The following ZNF425 variants were observed in gnomAD, a reference collection of about 807,000 sequenced individuals.
ZNF425 encodes zinc finger protein 425.
ZNF425 carries 21 observed loss-of-function variants against 17.0 expected under a neutral mutation model. The observed-to-expected ratio is 1.23, with a 90% CI of 0.88 to 1.78. ZNF425 has a LOEUF of 1.78. Among genes scored for constraint, ZNF425 ranks in the 40% most tolerant of loss-of-function variants. ZNF425 has a pLI of 0.00. For synonymous variants in ZNF425, 433 were observed against 384.1 expected (o/e 1.13, Z -1.49); for missense variants, 868 against 967.3 (o/e 0.90, Z 1.36).
At chr7:149,118,441 A>T in intron 1 of ZNF425, 93 bp from the exon 2 acceptor site, 2 of 1,433,514 alleles carry the variant, frequency 1.4e-6, no homozygotes, top group Non-Finnish European at 1.9e-6. Flanking sequence ...GAAAGAAAAC[A>T]TGTTAATTAT....
At position 149,112,654 on chromosome 7, in the gene ZNF425, T is replaced by A. The variant is rs866873404; in HGVS notation, c.146-359A>T. Among the ~76,000 whole-genome samples, 44 of 152,220 alleles carry A rather than the reference T, an allele frequency of 2.9e-4. 1 individual carries two copies. The Middle Eastern group carries it at 0.01, about 35-fold the overall frequency. On this transcript the variant is annotated intron_variant, in intron 2 of 3. Transcript: ENST00000378061. ...TTTCAAAAAAAATTATTTTTAAAAA[T>A]TATTATCATTATTATTTTATTTTAT...
intron 1 of ZNF425, 125 bp downstream of exon 1, chr7:149,126,071 G>A (rs1826461974): frequency 2.6e-6 from 4 of 1,538,046 alleles, no homozygotes; most frequent in Non-Finnish European, 3.5e-6. Flanking sequence ...AGCTCAGTCC[G>A]TGGGCCACTG....
chr7:149,112,185 T>C lies in ZNF425; in HGVS notation c.256A>G (p.Thr86Ala), dbSNP rs774039024. The C allele has an allele frequency of 4.3e-6, 7 of 1,614,116 alleles. No individual in the cohort carries two copies. Among genetic ancestry groups the C allele is most frequent in the Non-Finnish European group, 5.1e-6 (6 of 1,179,972 alleles). Residue 86 changes from threonine to alanine, a missense_variant, in exon 3 of 4, where the codon ACT becomes GCT. This residue lies in a region of ZNF425 where 179 missense variants were observed against 216.3 expected (regional missense o/e 0.83). Transcript: ENST00000378061. ...TTCTTCATGTTCAACTGTTCATCAG[T>C]AGGAGGGCTAGTTGTCCTTCTTGTT... Reference protein sequence around the residue: ...DKTRRTTSPPTDEQLNMKNTG... With the variant: ...DKTRRTTSPPADEQLNMKNTG...
rs769617364 is a variant in ZNF425, at chr7:149,105,468, T to C, written c.403A>G (p.Ile135Val). ...CAALRGKERK[I>V]LLAQTATFQS... ...AAGGTGGCTGTTTGAGCTAATAAAA[T>C]CTTTCTCTCTTTCCCTCGTAAGGCA... The change falls in exon 4 of 4, where the codon ATT becomes GTT. Residue 135 changes from isoleucine to valine, a missense_variant. By Grantham distance (29) the Ile-to-Val change is conservative (BLOSUM62 3). Around this residue, in one of 5 missense-constraint regions of ZNF425, gnomAD observed 179 missense variants for 216.3 expected, o/e 0.83. Transcript: ENST00000378061. 6.6e-7 allele frequency: 1 copy of C among 1,526,576 alleles called. No homozygotes were observed. The highest frequency in any genetic ancestry group is 1.4e-5 in the African/African-American group (1 of 71,746). 94.6% of individuals were successfully genotyped at this position (1,526,576 alleles called of 1,614,324 possible).
Position 149,104,166 on chromosome 7 carries a change from T to C in ZNF425, c.1705A>G (p.Met569Val), listed in dbSNP as rs1323118817. 3 of 1,610,668 alleles carry C rather than the reference T, an allele frequency of 1.9e-6. No individual in the cohort carries two copies. Among genetic ancestry groups the C allele is most frequent in the Non-Finnish European group, 2.5e-6 (3 of 1,178,870 alleles). ...CTGTGCATCCGCTGGTGGAACTTCA[T>C]GGAGGCCTTCCAGGAGAAGCTCTTG... is the stretch of plus-strand genomic sequence containing the variant. ...CDKSFSWKAS[M>V]KFHQRMHRDE... is the part of the protein sequence containing the mutation. The change falls in exon 4 of 4, where the codon ATG becomes GTG. Residue 569 changes from methionine to valine, a missense_variant. By Grantham distance (21) the Met-to-Val change is conservative. Coordinates refer to ENST00000378061, the MANE Select transcript of ZNF425 (RefSeq NM_001001661.3). The surrounding 1 kb of genome is among the most constrained non-coding windows in gnomAD (Gnocchi z 4.3).
At chr7:149,118,858 C>T (rs1826307671) in intron 1 of ZNF425, among the ~76,000 whole-genome samples, 1 of 152,030 alleles carries the variant, frequency 6.6e-6, no homozygotes, top group Non-Finnish European at 1.5e-5. Flanking sequence ...GAATAGCAGG[C>T]CTTTGAGCAC....
At chr7:149,113,557 T>TTTTTTTTTTTTC (rs1826208745) in intron 2 of ZNF425, 1 of 149,726 alleles carries the variant, frequency 6.7e-6, no homozygotes, top group Admixed American at 6.7e-5. Flanking sequence ...ACAAATTTTT[T>TTTTTTTTTTTTC]TTTTTTTTTT....
At chr7:149,106,467 C>T (rs573270992) in intron 3 of ZNF425, among the ~76,000 whole-genome samples, 4 of 147,812 alleles carry the variant, frequency 2.7e-5, no homozygotes, top group Admixed American at 2.0e-4. Flanking sequence ...TCAAACTGAC[C>T]TCAAACAATC....
chr7:149,119,111 AT>A (rs35943015), intron 1 of ZNF425, among the ~76,000 whole-genome samples: 66,544 of 129,956 alleles, frequency 0.51, 18,484 homozygotes, highest in East Asian at 0.87. Context: ...ACCAGCCTAG[AT>A]TTTTTTTTTT....
chr7:149,116,539 C>T (rs757624844), intron 2 of ZNF425, among the ~76,000 whole-genome samples: 5 of 152,146 alleles, frequency 3.3e-5, no homozygotes, highest in Non-Finnish European at 4.4e-5. Flanking sequence ...GAAATCGCAC[C>T]AGAACGGCCA....
Position 149,111,553 on chromosome 7 carries a change from T to C in ZNF425, c.304+584A>G, listed in dbSNP as rs542993714. On this transcript the variant is annotated intron_variant, in intron 3 of 3. Transcript: ENST00000378061. ...GTTGCAGTGAGCCGAGATTGCACAGTTGGGCTCCACCCTGGGTGACAGAGC... is the reference window on the plus strand; with the variant it reads ...GTTGCAGTGAGCCGAGATTGCACAGCTGGGCTCCACCCTGGGTGACAGAGC... Among the ~76,000 whole-genome samples the C allele has an allele frequency of 5.6e-5, 7 of 125,660 alleles. No homozygotes were observed. The South Asian group carries it at 8.0e-4, about 14-fold the overall frequency. The allele number at this position is 125,660 out of a possible 152,430, so 82.4% of individuals were successfully genotyped here. A position where few individuals can be genotyped will look rare whatever the true frequency, so the allele number is the denominator to read the frequency against.
At chr7:149,118,083 T>G in intron 2 of ZNF425, 139 bp downstream of exon 2, 1 of 891,164 alleles carries the variant, frequency 1.1e-6, no homozygotes, top group Non-Finnish European at 1.8e-6. Flanking sequence ...TCCCAGGCCA[T>G]TATAGGAAAG....
intron 1 of ZNF425, 103 bp from the exon 2 acceptor site, chr7:149,118,451 T>G: frequency 7.4e-7 from 1 of 1,354,754 alleles, no homozygotes; most frequent in East Asian, 2.3e-5. Flanking sequence ...ATGTTAATTA[T>G]TTCTGGATGG....
intron 2 of ZNF425, among the ~76,000 whole-genome samples, chr7:149,116,460 T>G (rs1826267599): frequency 6.6e-6 from 1 of 152,170 alleles, no homozygotes; most frequent in African/African-American, 2.4e-5. Context: ...TCTAGGATTC[T>G]GCCTCTAAAG....
intron 1 of ZNF425, among the ~76,000 whole-genome samples, chr7:149,122,348 C>T (rs1826371890): frequency 6.6e-6 from 1 of 151,742 alleles, no homozygotes; most frequent in Non-Finnish European, 1.5e-5. Context: ...AACTCCAGGG[C>T]TCAAGCAATC....
At chr7:149,105,760 A>C (rs578246461) in intron 3 of ZNF425, among the ~76,000 whole-genome samples, 194 bp from the exon 4 acceptor site, 289 of 150,504 alleles carry the variant, frequency 1.9e-3, no homozygotes, top group Non-Finnish European at 3.1e-3. Flanking sequence ...ACGCCATTCT[A>C]CTGCCTCAGC....
intron 3 of ZNF425, among the ~76,000 whole-genome samples, chr7:149,110,753 A>T (rs991695890): frequency 6.6e-6 from 1 of 150,536 alleles, no homozygotes; most frequent in Non-Finnish European, 1.5e-5. Flanking sequence ...TGTGACAAGG[A>T]GTGGTTTTTC....
intron 1 of ZNF425, among the ~76,000 whole-genome samples, chr7:149,121,175 G>C (rs62505065): frequency 0.02 from 270 of 13,744 alleles, no homozygotes; most frequent in Admixed American, 0.036. Context: ...CTCACTGCAA[G>C]CTCCGCCTCC....
chr7:149,116,281 A>G (rs1826264421), intron 2 of ZNF425, among the ~76,000 whole-genome samples: 1 of 152,146 alleles, frequency 6.6e-6, no homozygotes, highest in Non-Finnish European at 1.5e-5. Flanking sequence ...CACATACTTT[A>G]TGTTTCCATG....
Sources: gnomAD v4.1 joint callset for allele counts (sites outside exome capture counted in the v4.1 genomes callset) on GRCh38, gnomAD v4.1.1 for gene constraint, gnomAD v4.1.1 regional missense constraint, Gnocchi (gnomAD v3.1) non-coding constraint, MANE v1.5 for transcripts, NCBI Gene and HGNC (gene_info 2026-07-23, HGNC 2026-07-21) for gene names.